The following UBTD1 variants were observed in gnomAD, a reference collection of about 807,000 sequenced individuals.
The protein encoded by UBTD1 is ubiquitin domain-containing protein 1.
UBTD1 carries 19 observed loss-of-function variants against 21.7 expected under a neutral mutation model. The observed-to-expected ratio is 0.87, with a 90% CI of 0.61 to 1.28. The LOEUF (loss-of-function observed/expected upper bound fraction) is 1.28. UBTD1 is among the 50% of genes most tolerant of loss of function. The pLI, the probability that UBTD1 is intolerant of heterozygous loss-of-function variation, is 0.00. For synonymous variants in UBTD1, 116 were observed against 135.1 expected (o/e 0.86, Z 0.98); for missense variants, 282 against 315.1 (o/e 0.89, Z 0.80).
intron 1 of UBTD1, among the ~76,000 whole-genome samples, chr10:97,510,851 A>C (rs1010629697): frequency 6.6e-6 from 1 of 152,212 alleles, no homozygotes; most frequent in African/African-American, 2.4e-5. Context: ...CACTTGCAAC[A>C]CACCCTACAT....
In UBTD1 at chr10:97,571,040, G is replaced by A. The variant is rs556160775; in HGVS notation, c.*517G>A. 1.5e-3 allele frequency: 244 copies of A among 160,768 alleles called. 1 individual carries two copies. The highest frequency in any genetic ancestry group is 5.7e-3 in the African/African-American group (237 of 41,738). 10.0% of individuals were successfully genotyped at this position (160,768 alleles called of 1,614,324 possible). ...TGCCCCCAGCACAATTGGCAGAGATGAGGCGGGTGGTGGACAGCTGGGCTG... is the reference window on the plus strand; with the variant it reads ...TGCCCCCAGCACAATTGGCAGAGATAAGGCGGGTGGTGGACAGCTGGGCTG... On this transcript the variant is annotated 3_prime_UTR_variant, in exon 3 of 3. Transcript: ENST00000370664.
intron 1 of UBTD1, among the ~76,000 whole-genome samples, chr10:97,500,968 T>G (rs1284499819): frequency 6.6e-6 from 1 of 152,204 alleles, no homozygotes; most frequent in Non-Finnish European, 1.5e-5. Flanking sequence ...GCTTTCCTTC[T>G]TTACTCTTAT....
chr10:97,520,500 A>G (rs140773211), intron 1 of UBTD1, among the ~76,000 whole-genome samples: 1 of 152,350 alleles, frequency 6.6e-6, no homozygotes, highest in African/African-American at 2.4e-5. Flanking sequence ...TACTCAGGTA[A>G]TCAAAATGTA....
At chr10:97,554,279 C>T (rs1207737730) in intron 1 of UBTD1, among the ~76,000 whole-genome samples, 4 of 142,812 alleles carry the variant, frequency 2.8e-5, no homozygotes, top group African/African-American at 7.6e-5. Context: ...TGGAGTCTCA[C>T]TCTTGTCACC....
intron 1 of UBTD1, among the ~76,000 whole-genome samples, chr10:97,504,625 C>T (rs946122257): frequency 6.6e-6 from 1 of 152,184 alleles, no homozygotes; most frequent in Non-Finnish European, 1.5e-5. Flanking sequence ...TTGGTTGTCT[C>T]CCCTTGCTCC....
chr10:97,561,807 A>G (rs1312499237), intron 1 of UBTD1, among the ~76,000 whole-genome samples: 2 of 152,186 alleles, frequency 1.3e-5, no homozygotes, highest in East Asian at 3.8e-4. Context: ...CTCTTCCCTC[A>G]CGAGCATCAT....
At chr10:97,567,856 G>A in intron 1 of UBTD1, 58 bp from the exon 2 acceptor site, 1 of 1,551,588 alleles carries the variant, frequency 6.4e-7, no homozygotes, top group Non-Finnish European at 8.8e-7. Flanking sequence ...GAGGGGGAGG[G>A]CAGGTTGCAG....
chr10:97,538,514 C>T (rs1016325237), intron 1 of UBTD1, among the ~76,000 whole-genome samples: 5 of 152,072 alleles, frequency 3.3e-5, no homozygotes, highest in African/African-American at 1.2e-4. Context: ...AAGAGGGATC[C>T]TTGTGTGTAT....
At chr10:97,563,447 G>A (rs1026202217) in intron 1 of UBTD1, among the ~76,000 whole-genome samples, 50 of 152,186 alleles carry the variant, frequency 3.3e-4, no homozygotes, top group Non-Finnish European at 1.5e-4. Context: ...AGAAGGATTA[G>A]AAATGGCTAG....
At chr10:97,549,328 C>T (rs984230702) in intron 1 of UBTD1, among the ~76,000 whole-genome samples, 2 of 152,212 alleles carry the variant, frequency 1.3e-5, no homozygotes, top group African/African-American at 4.8e-5. Context: ...TCCTCTGTTC[C>T]CCCTTTGCAG....
At chr10:97,536,229 TGATCC>T (rs1220011883) in intron 1 of UBTD1, among the ~76,000 whole-genome samples, 8 of 151,948 alleles carry the variant, frequency 5.3e-5, no homozygotes, top group Non-Finnish European at 1.0e-4. Context: ...TGACCTCATG[TGATCC>T]ATCCGCCTCC....
At chr10:97,521,370 T>C (rs1418936971) in intron 1 of UBTD1, among the ~76,000 whole-genome samples, 1 of 152,138 alleles carries the variant, frequency 6.6e-6, no homozygotes, top group African/African-American at 2.4e-5. Flanking sequence ...CAGGAGTTAC[T>C]TTTCTGTTCC....
chr10:97,536,142 G>A (rs868397218), intron 1 of UBTD1, among the ~76,000 whole-genome samples: 2 of 151,944 alleles, frequency 1.3e-5, no homozygotes, highest in Admixed American at 6.6e-5. Context: ...ACAGGCTCCC[G>A]CCACCAAGCA....
At chr10:97,540,214 T>A (rs1414368547) in intron 1 of UBTD1, among the ~76,000 whole-genome samples, 1 of 152,236 alleles carries the variant, frequency 6.6e-6, no homozygotes, top group Non-Finnish European at 1.5e-5. Context: ...CACAGGAACT[T>A]CAAATAACTC....
intron 1 of UBTD1, among the ~76,000 whole-genome samples, chr10:97,521,799 G>A (rs1239789513): frequency 2.6e-5 from 4 of 152,220 alleles, no homozygotes; most frequent in Non-Finnish European, 5.9e-5. Flanking sequence ...ACCTGGCCAG[G>A]CTCTGGCATG....
Position 97,499,052 on chromosome 10 carries a change from G to A in UBTD1, c.-152G>A, listed in dbSNP as rs918782192. ...TCCCCTGGCCCGCAAAGTTTTGGCG[G>A]AGCCATCGCTGGGGCTGAGCGCGCC... On this transcript the variant is annotated 5_prime_UTR_variant, in exon 1 of 3. Transcript: ENST00000370664. 4 of 843,588 alleles carry A rather than the reference G, an allele frequency of 4.7e-6. No homozygotes were observed. The highest frequency in any genetic ancestry group is 3.2e-5 in the Admixed American group (1 of 31,426). The allele number at this position is 843,588 out of a possible 1,614,324, so 52.3% of individuals were successfully genotyped here.
intron 1 of UBTD1, among the ~76,000 whole-genome samples, chr10:97,567,520 G>A (rs1258797455): frequency 2.0e-5 from 3 of 151,626 alleles, no homozygotes; most frequent in Admixed American, 6.6e-5. Flanking sequence ...TTAATCAGGC[G>A]TGGTGGTGGG....
At chr10:97,548,607 C>CCCAT (rs2040621820) in intron 1 of UBTD1, among the ~76,000 whole-genome samples, 2 of 152,130 alleles carry the variant, frequency 1.3e-5, no homozygotes, top group South Asian at 4.1e-4. Flanking sequence ...ACCAGCCTGG[C>CCCAT]CCATCTCTAC....
intron 1 of UBTD1, among the ~76,000 whole-genome samples, chr10:97,550,971 C>T (rs1389067734): frequency 1.3e-5 from 2 of 152,218 alleles, no homozygotes; most frequent in Non-Finnish European, 2.9e-5. Context: ...CTCAGCAGCA[C>T]CTCTGGAGAC....
Sources: gnomAD v4.1 joint callset for allele counts (sites outside exome capture counted in the v4.1 genomes callset) on GRCh38, gnomAD v4.1.1 for gene constraint, MANE v1.5 for transcripts, NCBI Gene and HGNC (gene_info 2026-07-23, HGNC 2026-07-21) for gene names.